AGBL4: variants seen among roughly 807,000 people sequenced by gnomAD.
The protein encoded by AGBL4 is AGBL carboxypeptidase 4.
AGBL4 carries 58 observed loss-of-function variants against 66.4 expected under a neutral mutation model. That is an observed-to-expected ratio of 0.87 (90% CI 0.71 to 1.09). AGBL4 has a LOEUF of 1.09. Ranked by LOEUF, AGBL4 falls within the 50% of genes least tolerant of loss-of-function variation. The pLI, the probability that AGBL4 is intolerant of heterozygous loss-of-function variation, is 0.00. For synonymous variants in AGBL4, 234 were observed against 222.9 expected (o/e 1.05, Z -0.44); for missense variants, 579 against 631.0 (o/e 0.92, Z 0.88).
chr1:48,543,267 G>T (rs866583807), intron 11 of AGBL4, among the ~76,000 whole-genome samples: 4 of 152,160 alleles, frequency 2.6e-5, no homozygotes, highest in Non-Finnish European at 5.9e-5. Context: ...ACCTGAGGTT[G>T]GTCCTAGAGG....
chr1:49,887,753 G>C (rs546630813), intron 1 of AGBL4, among the ~76,000 whole-genome samples: 8 of 152,172 alleles, frequency 5.3e-5, no homozygotes, highest in Non-Finnish European at 1.2e-4. Context: ...CAAAAACAGT[G>C]GAGGTGAAAA....
At chr1:48,779,199 T>G (rs764265945) in intron 6 of AGBL4, among the ~76,000 whole-genome samples, 5 of 152,182 alleles carry the variant, frequency 3.3e-5, no homozygotes, top group Non-Finnish European at 5.9e-5. Flanking sequence ...CCAAAATGAT[T>G]TCAAGTAGCC....
intron 2 of AGBL4, among the ~76,000 whole-genome samples, chr1:49,710,406 A>T (rs556832347): frequency 6.6e-6 from 1 of 152,262 alleles, no homozygotes; most frequent in East Asian, 1.9e-4. Context: ...ATATGGGTAC[A>T]GGGAAGGGAA....
At position 48,705,804 on chromosome 1, in the gene AGBL4, G is replaced by A. The variant is rs1646873004; in HGVS notation, c.635-42563C>T. Among the ~76,000 whole-genome samples the A allele has an allele frequency of 2.0e-5, 3 of 152,170 alleles. No individual in the cohort carries two copies. The South Asian group carries it at 6.2e-4, about 32-fold the overall frequency. On this transcript the variant is annotated intron_variant, in intron 6 of 13. Coordinates refer to ENST00000371839, the MANE Select transcript of AGBL4 (RefSeq NM_032785.4). ...ATTTGAGGCAAAATTATTTAACAAGGAAGAGATTGATGGTGTTAAGTTGAT... is the reference window on the plus strand; with the variant it reads ...ATTTGAGGCAAAATTATTTAACAAGAAAGAGATTGATGGTGTTAAGTTGAT...
intron 3 of AGBL4, among the ~76,000 whole-genome samples, chr1:49,534,201 A>C (rs1570967424): frequency 6.6e-6 from 1 of 151,562 alleles, no homozygotes; most frequent in Non-Finnish European, 1.5e-5. Flanking sequence ...AAAAAGCACA[A>C]AAATTACCTA....
intron 3 of AGBL4, among the ~76,000 whole-genome samples, chr1:49,487,652 C>T (rs1034312780): frequency 6.6e-6 from 1 of 151,958 alleles, no homozygotes; most frequent in Admixed American, 6.6e-5. Flanking sequence ...AATGCAGAAA[C>T]TGTGAGTCAA....
At chr1:48,899,282 T>C (rs1651856672) in intron 5 of AGBL4, among the ~76,000 whole-genome samples, 2 of 152,358 alleles carry the variant, frequency 1.3e-5, no homozygotes, top group African/African-American at 4.8e-5. Flanking sequence ...CACAAGGCCA[T>C]AGGTTCTAGG....
intron 6 of AGBL4, among the ~76,000 whole-genome samples, chr1:48,774,612 T>C (rs576118986): frequency 2.2e-4 from 34 of 152,348 alleles, no homozygotes; most frequent in African/African-American, 7.7e-4. Context: ...TAAATAACCA[T>C]ACAGATTTAT....
chr1:48,776,864 G>C (rs1645121008), intron 6 of AGBL4: 3 of 1,436,566 alleles, frequency 2.1e-6, no homozygotes, highest in Non-Finnish European at 2.8e-6. Context: ...CGGTCGGGCA[G>C]CTCAGCCCGC....
intron 3 of AGBL4, among the ~76,000 whole-genome samples, chr1:49,621,752 C>T (rs1415008470): frequency 6.6e-6 from 1 of 152,162 alleles, no homozygotes; most frequent in Non-Finnish European, 1.5e-5. Flanking sequence ...CCACATTTGC[C>T]TTTCCTACAT....
intron 1 of AGBL4, among the ~76,000 whole-genome samples, chr1:49,956,666 G>C (rs1174778824): frequency 6.6e-6 from 1 of 151,860 alleles, no homozygotes; most frequent in Non-Finnish European, 1.5e-5. Flanking sequence ...AGGTTCAAAT[G>C]AGATAAGATG....
At chr1:48,552,261 A>C (rs1302605895) in intron 11 of AGBL4, among the ~76,000 whole-genome samples, 1 of 152,004 alleles carries the variant, frequency 6.6e-6, no homozygotes, top group Admixed American at 6.5e-5. Flanking sequence ...ACGAGGTTTC[A>C]CCATGCTGAT....
At chr1:49,297,606 T>A (rs553794511) in intron 3 of AGBL4, among the ~76,000 whole-genome samples, 7 of 152,266 alleles carry the variant, frequency 4.6e-5, no homozygotes, top group Non-Finnish European at 8.8e-5. Flanking sequence ...TCGCATTTAG[T>A]AGGTGCTTAA....
At chr1:48,777,073 G>C (rs957596186) in intron 6 of AGBL4, 4 of 370,620 alleles carry the variant, frequency 1.1e-5, no homozygotes, top group Non-Finnish European at 1.9e-5. Flanking sequence ...GCGGATGAGG[G>C]GGGTTTGGAA....
At chr1:48,568,459 T>C (rs1179423024) in intron 11 of AGBL4, among the ~76,000 whole-genome samples, 1 of 152,174 alleles carries the variant, frequency 6.6e-6, no homozygotes, top group African/African-American at 2.4e-5. Flanking sequence ...GAAGTGGCAG[T>C]GGCTCCCGTG....
chr1:49,197,255 G>T (rs1286091105), intron 4 of AGBL4, among the ~76,000 whole-genome samples: 2 of 152,144 alleles, frequency 1.3e-5, no homozygotes, highest in African/African-American at 4.8e-5. Context: ...CCAGTTTTAT[G>T]AGTGTTGTAT....
intron 4 of AGBL4, among the ~76,000 whole-genome samples, chr1:49,083,050 G>T (rs953043446): frequency 2.0e-5 from 3 of 152,206 alleles, no homozygotes; most frequent in African/African-American, 2.4e-5. Context: ...TGATGCAAGA[G>T]GTGGATTCTC....
chr1:49,238,049 G>A (rs916337153), intron 4 of AGBL4, among the ~76,000 whole-genome samples: 2 of 152,026 alleles, frequency 1.3e-5, no homozygotes, highest in African/African-American at 4.8e-5. Flanking sequence ...AGTTTCTGTT[G>A]TGAAGTCTGC....
chr1:49,959,381 G>A (rs1490696020), intron 1 of AGBL4, among the ~76,000 whole-genome samples: 1 of 152,084 alleles, frequency 6.6e-6, no homozygotes, highest in South Asian at 2.1e-4. Flanking sequence ...TCACAATTCA[G>A]ATCCTGGATA....
Sources: gnomAD v4.1 joint callset for allele counts (sites outside exome capture counted in the v4.1 genomes callset) on GRCh38, gnomAD v4.1.1 for gene constraint, MANE v1.5 for transcripts, NCBI Gene and HGNC (gene_info 2026-07-23, HGNC 2026-07-21) for gene names.